The following NMNAT2 variants were observed in gnomAD, a reference collection of about 807,000 sequenced individuals.
The protein encoded by NMNAT2 is nicotinamide nucleotide adenylyltransferase 2, also known as nicotinamide/nicotinic acid mononucleotide adenylyltransferase 2.
A neutral mutation model predicts 41.6 loss-of-function variants in NMNAT2; 11 were observed. The ratio of observed to expected loss-of-function variants is 0.26; its 90% confidence interval spans 0.17 to 0.44. NMNAT2 has a LOEUF of 0.44. Ranked by LOEUF, NMNAT2 falls within the 20% of genes least tolerant of loss-of-function variation. NMNAT2 has a pLI of 1.00. For synonymous variants in NMNAT2, 148 were observed against 151.2 expected (o/e 0.98, Z 0.16); for missense variants, 288 against 407.7 (o/e 0.71, Z 2.53).
At chr1:183,347,134 G>A (rs1030493589) in intron 1 of NMNAT2, among the ~76,000 whole-genome samples, 2 of 151,986 alleles carry the variant, frequency 1.3e-5, no homozygotes, top group Admixed American at 1.3e-4. Flanking sequence ...CAAACTCCTG[G>A]CTCATAATCT....
At chr1:183,265,589 A>T (rs189667430) in intron 8 of NMNAT2, among the ~76,000 whole-genome samples, 13 of 152,234 alleles carry the variant, frequency 8.5e-5, no homozygotes, top group Non-Finnish European at 1.8e-4. Flanking sequence ...ATAATTGCTC[A>T]GACACAAAGC....
rs770878154 is a variant in NMNAT2, at chr1:183,261,313, CAG to C, written c.652-12_652-11del. 1 of 1,609,012 alleles carries C rather than the reference CAG, an allele frequency of 6.2e-7. No homozygotes were observed. Among genetic ancestry groups the C allele is most frequent in the Admixed American group, 1.7e-5 (1 of 60,016 alleles). On this transcript the variant is annotated splice_polypyrimidine_tract_variant and intron_variant, in intron 8 of 10. Coordinates refer to ENST00000287713, the MANE Select transcript of NMNAT2 (RefSeq NM_015039.4). The stretch of plus-strand genomic sequence containing the variant: ...CAACAATCACCTCCATCTAAAGAAA[CAG>C]AGAGAGGGCCCTTTGGTGAAACCCT...
At chr1:183,340,132 C>G (rs563367052) in intron 1 of NMNAT2, among the ~76,000 whole-genome samples, 1 of 152,186 alleles carries the variant, frequency 6.6e-6, no homozygotes, top group African/African-American at 2.4e-5. Context: ...CTTTCTGGCT[C>G]TCCCCTTCTG....
chr1:183,397,726 A>G (rs1648690172), intron 1 of NMNAT2, among the ~76,000 whole-genome samples: 1 of 152,240 alleles, frequency 6.6e-6, no homozygotes, highest in Non-Finnish European at 1.5e-5. Context: ...CAGAAACTCT[A>G]CAAGCCAGAA....
intron 1 of NMNAT2, among the ~76,000 whole-genome samples, chr1:183,340,099 G>C (rs577384138): frequency 6.6e-6 from 1 of 152,182 alleles, no homozygotes; most frequent in South Asian, 2.1e-4. Flanking sequence ...AGCCTTGCAA[G>C]GGCCTCAGGC....
chr1:183,339,343 C>T (rs1475018723), intron 1 of NMNAT2, among the ~76,000 whole-genome samples: 4 of 152,068 alleles, frequency 2.6e-5, no homozygotes, highest in Admixed American at 6.6e-5. Flanking sequence ...ATGATCTGCG[C>T]GCCTCAGCCT....
At chr1:183,269,653 T>C (rs936967316) in intron 8 of NMNAT2, among the ~76,000 whole-genome samples, 2 of 152,256 alleles carry the variant, frequency 1.3e-5, no homozygotes, top group African/African-American at 4.8e-5. Context: ...TGCACAGTAC[T>C]AGGAGCTTAT....
intron 10 of NMNAT2, among the ~76,000 whole-genome samples, chr1:183,254,084 T>G (rs1305085586): frequency 6.6e-6 from 1 of 152,170 alleles, no homozygotes; most frequent in Non-Finnish European, 1.5e-5. Flanking sequence ...GTGATTTCAT[T>G]TTCTTTGGGT....
intron 1 of NMNAT2, among the ~76,000 whole-genome samples, chr1:183,384,727 T>G (rs537722399): frequency 6.6e-6 from 1 of 152,200 alleles, no homozygotes; most frequent in Non-Finnish European, 1.5e-5. Flanking sequence ...ACGTCTCTCA[T>G]TGCCTTGAGG....
At chr1:183,253,222 T>C (rs1660436982) in intron 10 of NMNAT2, among the ~76,000 whole-genome samples, 1 of 148,360 alleles carries the variant, frequency 6.7e-6, no homozygotes, top group Non-Finnish European at 1.5e-5. Flanking sequence ...TATATCTATG[T>C]TATATTACAT....
intron 10 of NMNAT2, among the ~76,000 whole-genome samples, chr1:183,254,735 C>T (rs1660475268): frequency 6.6e-6 from 1 of 152,180 alleles, no homozygotes; most frequent in Non-Finnish European, 1.5e-5. Context: ...TCACACTGTG[C>T]CCCTTTGCCC....
intron 1 of NMNAT2, among the ~76,000 whole-genome samples, chr1:183,394,202 T>C (rs968858598): frequency 2.6e-5 from 4 of 152,222 alleles, no homozygotes; most frequent in Non-Finnish European, 4.4e-5. Flanking sequence ...ATGCTACAAA[T>C]TGTATTATTA....
intron 1 of NMNAT2, among the ~76,000 whole-genome samples, chr1:183,391,400 C>T (rs548276654): frequency 2.3e-4 from 35 of 152,258 alleles, no homozygotes; most frequent in Middle Eastern, 3.4e-3. Context: ...TGACCCAATA[C>T]CTATAACCTA....
intron 1 of NMNAT2, among the ~76,000 whole-genome samples, chr1:183,304,304 A>G (rs1661941710): frequency 6.6e-6 from 1 of 152,248 alleles, no homozygotes; most frequent in South Asian, 2.1e-4. Flanking sequence ...AGATGTAAGT[A>G]GAAGAAGGTA....
At chr1:183,380,821 G>A (rs1020315316) in intron 1 of NMNAT2, among the ~76,000 whole-genome samples, 6 of 152,190 alleles carry the variant, frequency 3.9e-5, no homozygotes, top group South Asian at 4.1e-4. Flanking sequence ...GAAATACGGA[G>A]AAATGAGCTG....
rs1036258401 is a variant in NMNAT2 at position 183,252,328 on chromosome 1, G to A, written c.*313C>T. On this transcript the variant is annotated 3_prime_UTR_variant, in exon 11 of 11. Coordinates refer to ENST00000287713, the MANE Select transcript of NMNAT2 (RefSeq NM_015039.4). ...CCTCCCCAGAGCGTGCTGGGAGGAT[G>A]GGCACCAGAGCCGCCTCTCTAGAGC... 9.0e-6 allele frequency: 3 copies of A among 333,048 alleles called. No individual in the cohort carries two copies. The highest frequency in any genetic ancestry group is 1.7e-5 in the Non-Finnish European group (3 of 176,738). The allele number at this position is 333,048 out of a possible 1,614,324, so 20.6% of individuals were successfully genotyped here. A position where few individuals can be genotyped will look rare whatever the true frequency, so the allele number is the denominator to read the frequency against.
At chr1:183,328,971 A>G (rs1221420081) in intron 1 of NMNAT2, among the ~76,000 whole-genome samples, 3 of 148,218 alleles carry the variant, frequency 2.0e-5, no homozygotes, top group Non-Finnish European at 4.6e-5. Context: ...TGCTGTGCAG[A>G]GGTAGCAGAG....
intron 1 of NMNAT2, among the ~76,000 whole-genome samples, chr1:183,372,423 G>C (rs1194152718): frequency 6.6e-6 from 1 of 152,156 alleles, no homozygotes; most frequent in Non-Finnish European, 1.5e-5. Flanking sequence ...GACTGAGCAA[G>C]GGAGTGGAAG....
intron 8 of NMNAT2, among the ~76,000 whole-genome samples, chr1:183,261,625 A>G (rs889528620): frequency 3.9e-5 from 6 of 152,216 alleles, no homozygotes; most frequent in African/African-American, 1.4e-4. Context: ...AATGCTGCAG[A>G]ATCACATGAA....
Sources: allele counts gnomAD v4.1 joint callset (sites outside exome capture counted in the v4.1 genomes callset), GRCh38; gene constraint gnomAD v4.1.1; transcripts MANE v1.5; gene names NCBI Gene and HGNC (gene_info 2026-07-23, HGNC 2026-07-21).